DMD: variants seen among roughly 807,000 people sequenced by gnomAD.
DMD encodes the protein dystrophin.
DMD carries 63 observed loss-of-function variants against 330.1 expected under a neutral mutation model. The ratio of observed to expected loss-of-function variants is 0.19; its 90% CI spans 0.16 to 0.24. DMD has a LOEUF of 0.24. DMD is among the 10% of genes least tolerant of loss of function. The pLI is 1.00. For missense variants in DMD, 3,344 were observed against 2,684.1 expected (o/e 1.25, Z -5.43); for synonymous variants, 1,223 against 959.8 (o/e 1.27, Z -5.07).
At chrX:31,764,756 G>A (rs1348807963) in intron 51 of DMD, among the ~76,000 whole-genome samples, 1 of 111,614 alleles carries the variant, frequency 9.0e-6, no homozygotes, top group East Asian at 2.8e-4. Context: ...TAATTGAAGA[G>A]AGAAGATGAC....
chrX:33,229,876 G>A lies in DMD; in HGVS notation c.7+109383C>T, dbSNP rs1273423268. The stretch of plus-strand genomic sequence containing the variant: ...AGATAATTGACATCTTTACCATGTT[G>A]AGTATTCCAATCCATTAGCAGAGTA... On this transcript the variant is annotated intron_variant, in intron 1 of 17. Coordinates refer to the DMD transcript ENST00000288447. 3.6e-5 allele frequency among the ~76,000 whole-genome samples: 4 copies of A among 112,080 alleles called. No homozygotes were observed. The Admixed American group carries it at 3.8e-4, about 11-fold the overall frequency.
intron 30 of DMD, among the ~76,000 whole-genome samples, chrX:32,392,155 G>T (rs1216260968): frequency 8.9e-6 from 1 of 112,120 alleles, no homozygotes; most frequent in Admixed American, 9.4e-5. Flanking sequence ...GAAGAGCAAA[G>T]GTCCATGAAC....
chrX:31,676,635 C>T (rs1270368666), intron 53 of DMD, among the ~76,000 whole-genome samples: 1 of 111,814 alleles, frequency 8.9e-6, no homozygotes, highest in Non-Finnish European at 1.9e-5. Flanking sequence ...CCTGTGAGGT[C>T]ATCTACAAGA....
intron 2 of DMD, among the ~76,000 whole-genome samples, chrX:33,006,063 G>T (rs747525267): frequency 1.8e-5 from 2 of 111,189 alleles, no homozygotes; most frequent in Admixed American, 1.9e-4. Context: ...ATCTTTACAA[G>T]AAAACTACAA....
chrX:31,547,493 A>G (rs1235656476), intron 55 of DMD, among the ~76,000 whole-genome samples: 1 of 112,089 alleles, frequency 8.9e-6, no homozygotes, highest in African/African-American at 3.2e-5. Flanking sequence ...TCTTCGGGGA[A>G]AGCTGGATTT....
intron 62 of DMD, among the ~76,000 whole-genome samples, chrX:31,314,771 AGAGAGAGAGT>A (rs1360039440): frequency 3.8e-5 from 4 of 105,867 alleles, no homozygotes; most frequent in African/African-American, 1.1e-4. Context: ...AGAGAGAGAG[AGAGAGAGAGT>A]GTTTTACCGT....
At chrX:32,595,461 A>AT (rs964000660) in intron 13 of DMD, among the ~76,000 whole-genome samples, 1 of 111,346 alleles carries the variant, frequency 9.0e-6, no homozygotes, top group Non-Finnish European at 1.9e-5. Context: ...CTGCATTTAA[A>AT]TTTTTTTTAA....
chrX:31,448,988 C>A (rs990657290), intron 59 of DMD, among the ~76,000 whole-genome samples: 2 of 112,320 alleles, frequency 1.8e-5, no homozygotes, highest in Non-Finnish European at 3.8e-5. Context: ...TCATCTACTA[C>A]TTTTCTAAGA....
intron 57 of DMD, among the ~76,000 whole-genome samples, chrX:31,483,706 C>T (rs1398670370): frequency 8.9e-6 from 1 of 112,061 alleles, no homozygotes; most frequent in Non-Finnish European, 1.9e-5. Context: ...GTGATTGTAT[C>T]TTTAGAATTT....
At chrX:32,255,376 T>G (rs1178772105) in intron 43 of DMD, among the ~76,000 whole-genome samples, 11 of 110,011 alleles carry the variant, frequency 1.0e-4, no homozygotes, top group Non-Finnish European at 1.1e-4. Context: ...AGTTTAAAAA[T>G]AAAGTTTTAT....
chrX:32,771,503 T>TACACACACACACACACACAC lies in DMD; in HGVS notation c.649+37970_649+37989dup, dbSNP rs754545800. Among the ~76,000 whole-genome samples, 379 of 105,782 alleles carry TACACACACACACACACACAC rather than the reference T, an allele frequency of 3.6e-3. 2 individuals carry two copies. Among genetic ancestry groups the TACACACACACACACACACAC allele is most frequent in the African/African-American group, 0.01 (295 of 28,263 alleles). The allele number at this position is 105,782 out of a possible 115,157, so 91.9% of individuals were successfully genotyped here. ...AAATTCCCTAATCCCATTTTGTTAA[T>TACACACACACACACACACAC]ACACACACACACACACACACACTCT... On this transcript the variant is annotated intron_variant, in intron 7 of 78. Transcript: ENST00000357033.
intron 30 of DMD, among the ~76,000 whole-genome samples, chrX:32,399,073 C>T (rs1263489361): frequency 8.9e-6 from 1 of 112,057 alleles, no homozygotes; most frequent in African/African-American, 3.2e-5. Context: ...GAACCGTATA[C>T]AGAAATCAAA....
At chrX:32,777,277 T>TGGGGGGTGGGGGGGGGTTGGG (rs1557019895) in intron 7 of DMD, among the ~76,000 whole-genome samples, 2 of 2,113 alleles carry the variant, frequency 9.5e-4, no homozygotes, top group African/African-American at 3.1e-3. Context: ...GGTTTCTGGT[T>TGGGGGGTGGGGGGGGGTTGGG]GGGGGGGGAA....
Position 33,051,566 on chromosome X carries a change from T to C in DMD, c.32-31366A>G, listed in dbSNP as rs73621872. On this transcript the variant is annotated intron_variant, in intron 1 of 78. Coordinates refer to ENST00000357033, the MANE Select transcript of DMD (RefSeq NM_004006.3). The stretch of plus-strand genomic sequence containing the variant: ...TGTTAGTTTTACTTAATGATTGTAA[T>C]TATTTTGATATACTCTATATGGAAA... Among the ~76,000 whole-genome samples the C allele has an allele frequency of 3.4e-3, 370 of 109,898 alleles. 4 individuals are homozygous for C. The highest frequency in any genetic ancestry group is 0.012 in the African/African-American group (354 of 30,039).
chrX:31,609,344 C>T (rs1481580832), intron 55 of DMD, among the ~76,000 whole-genome samples: 1 of 111,571 alleles, frequency 9.0e-6, no homozygotes, highest in Non-Finnish European at 1.9e-5. Context: ...GACAACACTG[C>T]CCCTAAGGAG....
rs1297432170 is a variant in DMD at position 32,849,788 on chromosome X, A to G, written c.126T>C (p.Ser42=). ...GGAGGCGCCTCCCATCCTGTAGGTC[A>G]CTGAAGAGGTTCTCAATATGCTGCT... ...FGKQHIENLF[S]DLQDGRRLLD... Residue 42 remains serine (S), a synonymous_variant, in exon 3 of 79, where the codon AGT becomes AGC. Coordinates refer to ENST00000357033, the MANE Select transcript of DMD (RefSeq NM_004006.3). The G allele has an allele frequency of 8.3e-7, 1 of 1,207,063 alleles. No individual in the cohort carries two copies. The highest frequency in any genetic ancestry group is 3.0e-5 in the East Asian group (1 of 33,681).
chrX:33,259,715 T>C (rs771080964), intron 1 of DMD, among the ~76,000 whole-genome samples: 1 of 105,929 alleles, frequency 9.4e-6, no homozygotes, highest in African/African-American at 3.4e-5. Flanking sequence ...TTCCACCTCC[T>C]GCCGCAACCC....
intron 43 of DMD, among the ~76,000 whole-genome samples, chrX:32,243,047 A>G (rs2097215450): frequency 9.2e-6 from 1 of 108,681 alleles, no homozygotes; most frequent in Admixed American, 1.0e-4. Context: ...AAAGAAAAAA[A>G]GAAAAACCAA....
chrX:33,313,216 A>G (rs1287069961), intron 1 of DMD, among the ~76,000 whole-genome samples: 1 of 112,298 alleles, frequency 8.9e-6, no homozygotes, highest in African/African-American at 3.2e-5. Flanking sequence ...AATAATGAGA[A>G]CCATCTGTAC....
Sources: allele counts gnomAD v4.1 joint callset (sites outside exome capture counted in the v4.1 genomes callset), GRCh38; gene constraint gnomAD v4.1.1; transcripts MANE v1.5; gene names NCBI Gene and HGNC (gene_info 2026-07-23, HGNC 2026-07-21).